Variants in GRIP1 observed in about 807,000 individuals in gnomAD.
GRIP1 encodes glutamate receptor interacting protein 1.
A neutral mutation model predicts 129.9 loss-of-function variants in GRIP1; 45 were observed. The ratio of observed to expected loss-of-function variants is 0.35; its 90% CI spans 0.27 to 0.44. The LOEUF (loss-of-function observed/expected upper bound fraction) is 0.44, where lower values mean the gene tolerates loss of function less well. GRIP1 is among the 20% of genes least tolerant of loss of function. GRIP1 has a pLI of 1.00. For synonymous variants in GRIP1, 530 were observed against 520.8 expected, an observed-to-expected ratio of 1.02 and a Z score of -0.24; for missense variants, 1,196 against 1,396.8, an observed-to-expected ratio of 0.86 and a Z score of 2.29.
chr12:66,460,624 T>C (rs2059108551), intron 9 of GRIP1, among the ~76,000 whole-genome samples: 1 of 152,208 alleles, frequency 6.6e-6, no homozygotes. Context: ...ATAGCTAATC[T>C]CTTATCCCAA....
chr12:66,789,919 A>C (rs2038475912), intron 1 of GRIP1, among the ~76,000 whole-genome samples: 1 of 152,110 alleles, frequency 6.6e-6, no homozygotes. Flanking sequence ...AAGGAGAAAA[A>C]ATTTTATTTG....
intron 5 of GRIP1, among the ~76,000 whole-genome samples, chr12:66,523,440 G>C (rs1481118944): frequency 6.7e-6 from 1 of 149,962 alleles, no homozygotes; most frequent in East Asian, 1.9e-4. Context: ...AGCTTCATAA[G>C]TGAAGGAGAA....
At chr12:66,402,734 T>C (rs2057048076) in intron 16 of GRIP1, among the ~76,000 whole-genome samples, 1 of 152,192 alleles carries the variant, frequency 6.6e-6, no homozygotes, top group African/African-American at 2.4e-5. Flanking sequence ...ATATTACCAT[T>C]CAAAAATATT....
intron 1 of GRIP1, among the ~76,000 whole-genome samples, chr12:66,697,770 G>T (rs11176385): frequency 1.3e-5 from 2 of 152,080 alleles, no homozygotes; most frequent in African/African-American, 4.8e-5. Context: ...CAACAGATTC[G>T]AAAGTATTTT....
intron 1 of GRIP1, among the ~76,000 whole-genome samples, chr12:66,785,339 CATACAT>C (rs1411510048): frequency 1.1e-3 from 41 of 36,486 alleles, no homozygotes; most frequent in African/African-American, 3.3e-3. Context: ...TACATACATA[CATACAT>C]ATATATATAT....
chr12:66,820,298 T>C (rs997042937), intron 1 of GRIP1, among the ~76,000 whole-genome samples: 2 of 152,072 alleles, frequency 1.3e-5, no homozygotes, highest in African/African-American at 4.8e-5. Flanking sequence ...AAAATAGCAA[T>C]AAGAAAGCAC....
chr12:66,794,256 G>A (rs575338620), intron 1 of GRIP1, among the ~76,000 whole-genome samples: 1 of 152,164 alleles, frequency 6.6e-6, no homozygotes, highest in Admixed American at 6.5e-5. Flanking sequence ...TGACTACAAA[G>A]TAATGAGATA....
At chr12:66,639,226 T>C (rs1592686215) in intron 1 of GRIP1, among the ~76,000 whole-genome samples, 1 of 152,144 alleles carries the variant, frequency 6.6e-6, no homozygotes, top group Non-Finnish European at 1.5e-5. Flanking sequence ...CAGAGTATGC[T>C]ACTACTAGCG....
At chr12:66,924,963 C>G (rs1401124555) in intron 1 of GRIP1, among the ~76,000 whole-genome samples, 1 of 152,038 alleles carries the variant, frequency 6.6e-6, no homozygotes, top group Non-Finnish European at 1.5e-5. Context: ...GAGCGAGACT[C>G]CGTCTCAAAA....
At chr12:66,543,250 G>A (rs1169612195) in intron 2 of GRIP1, among the ~76,000 whole-genome samples, 2 of 152,100 alleles carry the variant, frequency 1.3e-5, no homozygotes, top group Non-Finnish European at 2.9e-5. Flanking sequence ...GCCAGCTCCT[G>A]TGACTTTAAC....
intron 1 of GRIP1, chr12:66,626,595 C>T (rs1375972645): frequency 6.6e-6 from 1 of 152,170 alleles, no homozygotes; most frequent in African/African-American, 2.4e-5. Context: ...TTAGTTTGCC[C>T]TGATAAATGT....
intron 1 of GRIP1, among the ~76,000 whole-genome samples, chr12:66,713,297 C>G (rs746551638): frequency 6.6e-6 from 1 of 151,986 alleles, no homozygotes; most frequent in Non-Finnish European, 1.5e-5. Context: ...CAGTGATTTT[C>G]TTCCTCAACA....
chr12:66,979,252 A>ACAAAAAAC (rs1555257218), intron 1 of GRIP1, among the ~76,000 whole-genome samples: 1 of 110,162 alleles, frequency 9.1e-6, no homozygotes, highest in Non-Finnish European at 1.8e-5. Flanking sequence ...AAAAAAAAAA[A>ACAAAAAAC]AACAAGCCCG....
In GRIP1 at chr12:66,796,573, A is replaced by T. The variant is rs532255313; in HGVS notation, c.-420+7480T>A. On this transcript the variant is annotated intron_variant, in intron 1 of 4. Transcript: ENST00000538373. ...AACACCTCCACCACTCCATCCCAAA[A>T]CTTTGATCTGGTTTTCTTCATTGTA... 3.9e-5 allele frequency among the ~76,000 whole-genome samples: 6 copies of T among 151,902 alleles called. No homozygotes were observed. In the South Asian group the frequency reaches 1.2e-3, roughly 32 times the overall value.
intron 13 of GRIP1, among the ~76,000 whole-genome samples, chr12:66,443,676 G>A (rs935830377): frequency 2.6e-5 from 4 of 151,842 alleles, no homozygotes. Context: ...GGCTAGTCTC[G>A]AACTCCTGAT....
At chr12:66,905,617 C>T (rs1004596352) in intron 1 of GRIP1, among the ~76,000 whole-genome samples, 11 of 152,182 alleles carry the variant, frequency 7.2e-5, no homozygotes, top group African/African-American at 2.7e-4. Context: ...AATAACTACA[C>T]ATCGACCCAA....
intron 1 of GRIP1, among the ~76,000 whole-genome samples, chr12:66,693,451 C>T (rs1283692325): frequency 1.3e-5 from 2 of 152,098 alleles, no homozygotes; most frequent in East Asian, 1.9e-4. Flanking sequence ...TCCAGGTCAC[C>T]CCAGTCCCCA....
intron 7 of GRIP1, among the ~76,000 whole-genome samples, chr12:66,504,430 G>T (rs1325024583): frequency 6.6e-6 from 1 of 152,148 alleles, no homozygotes; most frequent in Non-Finnish European, 1.5e-5. Flanking sequence ...ATATGGACTG[G>T]TTCTTTGGTC....
At chr12:66,493,007 A>G (rs1282042332) in intron 7 of GRIP1, among the ~76,000 whole-genome samples, 1 of 16,654 alleles carries the variant, frequency 6.0e-5, no homozygotes, top group African/African-American at 2.9e-4. Context: ...CTCTGTCTCA[A>G]AACAAACAAA....
Sources: allele counts gnomAD v4.1 joint callset (sites outside exome capture counted in the v4.1 genomes callset), GRCh38; gene constraint gnomAD v4.1.1; transcripts MANE v1.5; gene names NCBI Gene and HGNC (gene_info 2026-07-23, HGNC 2026-07-21).